NCBP3: variants seen among roughly 807,000 people sequenced by gnomAD.
NCBP3 encodes nuclear cap-binding protein subunit 3.
A neutral mutation model predicts 75.7 loss-of-function variants in NCBP3; 20 were observed. That is an observed-to-expected ratio of 0.26 (90% CI 0.19 to 0.38). The LOEUF is 0.38. Among genes scored for constraint, NCBP3 ranks in the 10% least tolerant of loss-of-function variants. NCBP3 has a pLI of 1.00. For missense variants in NCBP3, 678 were observed against 796.9 expected (o/e 0.85, Z 1.80); for synonymous variants, 293 against 290.5 (o/e 1.01, Z -0.09).
intron 3 of NCBP3, among the ~76,000 whole-genome samples, chr17:3,837,224 C>T (rs536540091): frequency 6.6e-6 from 1 of 151,486 alleles, no homozygotes; most frequent in African/African-American, 2.4e-5. Context: ...ATCAGCCGGG[C>T]GCAGTGGCTC....
At chr17:3,819,148 G>A (rs1295029090) in intron 9 of NCBP3, among the ~76,000 whole-genome samples, 1 of 152,170 alleles carries the variant, frequency 6.6e-6, no homozygotes, top group Non-Finnish European at 1.5e-5. Context: ...GGGCTGTGAT[G>A]TGCCTTGTGG....
At position 3,814,491 on chromosome 17, in the gene NCBP3, A is replaced by G. The variant is rs1158304617; in HGVS notation, c.1466-8T>C. 1.2e-6 allele frequency: 2 copies of G among 1,613,818 alleles called. No individual in the cohort carries two copies. Among genetic ancestry groups the G allele is most frequent in the East Asian group, 2.2e-5 (1 of 44,880 alleles). On this transcript the variant is annotated splice_polypyrimidine_tract_variant and splice_region_variant and intron_variant, in intron 11 of 12. Transcript: ENST00000389005. ...CTAACCGCTGGCGTATATCTGAAAA[A>G]AGAGAAAAAGTGCACCAGTGACCGT...
Position 3,814,405 on chromosome 17 carries a change from G to A in NCBP3, c.1544C>T (p.Pro515Leu). 1 of 1,614,146 alleles carries A rather than the reference G, an allele frequency of 6.2e-7. No individual in the cohort carries two copies. The highest frequency in any genetic ancestry group is 8.5e-7 in the Non-Finnish European group (1 of 1,180,000). The change falls in exon 12 of 13, where the codon CCC becomes CTC. Residue 515 changes from proline to leucine, a missense_variant. Physicochemically the swap from Pro to Leu is moderately conservative, Grantham distance 98. Transcript: ENST00000389005. ...TAGCCTACTATGCACATCAGAAGAG[G>A]GCTCTCTCCGAACGACGGGGTTACT... Reference protein sequence around the residue: ...FSSNPVVRREPSSDVHSRLGV... With the variant: ...FSSNPVVRRELSSDVHSRLGV...
At chr17:3,823,567 C>T (rs2053712883) in intron 7 of NCBP3, among the ~76,000 whole-genome samples, 3 of 152,076 alleles carry the variant, frequency 2.0e-5, no homozygotes, top group Non-Finnish European at 4.4e-5. Flanking sequence ...TATCTGCCCA[C>T]CAATTTTTTA....
intron 6 of NCBP3, among the ~76,000 whole-genome samples, chr17:3,825,553 T>C (rs1417243262): frequency 1.3e-5 from 2 of 152,224 alleles, no homozygotes; most frequent in Non-Finnish European, 2.9e-5. Flanking sequence ...TAAAACTATT[T>C]TCTTTTTTTG....
chr17:3,825,861 G>A lies in NCBP3; in HGVS notation c.611-18C>T. 6.5e-7 allele frequency: 1 copy of A among 1,538,018 alleles called. No homozygotes were observed. Among genetic ancestry groups the A allele is most frequent in the Non-Finnish European group, 8.8e-7 (1 of 1,136,090 alleles). ...CTGCTTGTCTAAAATGGAATGTGAA[G>A]GACAAGATGAAACAAGATAAAATAT... On this transcript the variant is annotated intron_variant, in intron 5 of 12. Transcript: ENST00000389005.
In NCBP3 at chr17:3,826,094, C is replaced by G; in HGVS notation, c.603G>C (p.Arg201Ser). ...DASEDKSAEK[R>S]KKDKQEDSSD... Reference sequence around the variant, plus strand: ...CCTCCTTTGTGTTGTTACCTTTTTTCCTTTTCTCAGCTGACTTGTCCTCAC... The same window carrying G: ...CCTCCTTTGTGTTGTTACCTTTTTTGCTTTTCTCAGCTGACTTGTCCTCAC... The change falls in exon 5 of 13, where the codon AGG becomes AGC. Residue 201 changes from arginine (R) to serine (S), a missense_variant. By Grantham distance (110) the Arg-to-Ser change is moderately radical (BLOSUM62 -1). Around this residue, in one of 7 missense-constraint regions of NCBP3, gnomAD observed 98 missense variants for 101.8 expected, o/e 0.96. Coordinates refer to ENST00000389005, the MANE Select transcript of NCBP3 (RefSeq NM_001114118.3). 1 of 1,549,216 alleles carries G rather than the reference C, an allele frequency of 6.5e-7. No individual in the cohort carries two copies.
chr17:3,813,869 G>C (rs149710684), intron 12 of NCBP3, among the ~76,000 whole-genome samples: 4,307 of 152,152 alleles, frequency 0.028, 224 homozygotes, highest in African/African-American at 0.1. Context: ...TCACCATGTT[G>C]GTTAGGCTGG....
chr17:3,812,783 C>T lies in NCBP3; in HGVS notation c.*261G>A. 7.7e-7 allele frequency: 1 copy of T among 1,299,350 alleles called. No homozygotes were observed. Among genetic ancestry groups the T allele is most frequent in the Non-Finnish European group, 9.8e-7 (1 of 1,020,860 alleles). 80.5% of individuals were successfully genotyped at this position (1,299,350 alleles called of 1,614,324 possible). A position where few individuals can be genotyped will look rare whatever the true frequency, so the allele number is the denominator to read the frequency against. On this transcript the variant is annotated 3_prime_UTR_variant, in exon 13 of 13. Coordinates refer to ENST00000389005, the MANE Select transcript of NCBP3 (RefSeq NM_001114118.3). Reference sequence around the variant, plus strand: ...AATGTCTACAAAATCTGGAGGGCTGCCTTTTTCTCAAAGGGTAAAGCCTGT... The same window carrying T: ...AATGTCTACAAAATCTGGAGGGCTGTCTTTTTCTCAAAGGGTAAAGCCTGT...
chr17:3,819,324 G>C (rs958726844), intron 9 of NCBP3, among the ~76,000 whole-genome samples: 1 of 152,108 alleles, frequency 6.6e-6, no homozygotes, highest in Admixed American at 6.6e-5. Context: ...TTGGGAGGCC[G>C]AGGTGGGCAG....
At chr17:3,833,114 G>T (rs2143694224) in intron 3 of NCBP3, among the ~76,000 whole-genome samples, 1 of 152,148 alleles carries the variant, frequency 6.6e-6, no homozygotes. Flanking sequence ...TTAGCTGAGT[G>T]TGGTGGTGTA....
At chr17:3,845,682 C>T (rs922817058) in intron 1 of NCBP3, among the ~76,000 whole-genome samples, 2 of 152,152 alleles carry the variant, frequency 1.3e-5, no homozygotes, top group Non-Finnish European at 2.9e-5. Flanking sequence ...TCTGGGCTGC[C>T]CCTGGTTCTG....
rs900847915 is a variant in NCBP3 at position 3,806,934 on chromosome 17, T to TA, written c.*6109dup. 1.2e-4 allele frequency: 18 copies of TA among 152,202 alleles called. No homozygotes were observed. Among genetic ancestry groups the TA allele is most frequent in the African/African-American group, 3.9e-4 (16 of 41,444 alleles). 9.4% of individuals were successfully genotyped at this position (152,202 alleles called of 1,614,324 possible). ...CTAATTTACTGCTTATTATAAGGTT[T>TA]AAAAGCAATTACTGTACTTATGTAT... On this transcript the variant is annotated 3_prime_UTR_variant, in exon 13 of 13. Coordinates refer to ENST00000389005, the MANE Select transcript of NCBP3 (RefSeq NM_001114118.3).
chr17:3,825,044 T>C lies in NCBP3; in HGVS notation c.694A>G (p.Thr232Ala). The change falls in exon 7 of 13, where the codon ACG (threonine) becomes GCG (alanine). Residue 232 changes from threonine to alanine, a missense_variant. Transcript: ENST00000389005. ...GACTCCTCTTCTACCTGAGACAACG[T>C]ATCCAACTTAAGAAAGAAGAGTATT... is the stretch of plus-strand genomic sequence containing the variant. ...DENSSDVELDTLSQVEEESLL... is the reference protein window; with the variant it reads ...DENSSDVELDALSQVEEESLL... The C allele has an allele frequency of 2.0e-6, 3 of 1,509,562 alleles. No individual in the cohort carries two copies. The highest frequency in any genetic ancestry group is 1.3e-5 in the South Asian group (1 of 79,054). The allele number at this position is 1,509,562 out of a possible 1,614,324, so 93.5% of individuals were successfully genotyped here.
At chr17:3,821,713 A>G (rs77813671) in intron 8 of NCBP3, among the ~76,000 whole-genome samples, 18,206 of 152,068 alleles carry the variant, frequency 0.12, 1,967 homozygotes, top group African/African-American at 0.29. Context: ...GTGAGCCACC[A>G]TGTCTGGGCT....
rs2053301629 is a variant in NCBP3 at position 3,803,653 on chromosome 17, G to A, written c.*9391C>T. ...AGGGAACGAATGAAAGAGAAAATGT[G>A]GCAAAATGTTCTTTGTTGTACCCTT... is the stretch of plus-strand genomic sequence containing the variant. On this transcript the variant is annotated 3_prime_UTR_variant, in exon 13 of 13. Transcript: ENST00000389005. 1 of 152,088 alleles carries A rather than the reference G, an allele frequency of 6.6e-6. No homozygotes were observed. The allele number at this position is 152,088 out of a possible 1,614,324, so 9.4% of individuals were successfully genotyped here.
rs1330295043 is a variant in NCBP3 at position 3,829,281 on chromosome 17, T to A, written c.443A>T (p.Tyr148Phe). The A allele has an allele frequency of 6.4e-7, 1 of 1,551,628 alleles. No individual in the cohort carries two copies. The highest frequency in any genetic ancestry group is 8.7e-7 in the Non-Finnish European group (1 of 1,146,988). Reference sequence around the variant, plus strand: ...CAACCATTCGATGTGAGCTGGAGGATATTCTTTAAAATAGGAAAAGACATC... The same window carrying A: ...CAACCATTCGATGTGAGCTGGAGGAAATTCTTTAAAATAGGAAAAGACATC... Reference protein sequence around the residue: ...TQDVFSYFKEYPPAHIEWLDD... With the variant: ...TQDVFSYFKEFPPAHIEWLDD... The change falls in exon 4 of 13, where the codon TAT becomes TTT. Residue 148 changes from tyrosine to phenylalanine, a missense_variant. By Grantham distance (22) the Tyr-to-Phe change is conservative. This residue lies in a region of NCBP3 where 15 missense variants were observed against 45.5 expected (regional missense o/e 0.33). Coordinates refer to ENST00000389005, the MANE Select transcript of NCBP3 (RefSeq NM_001114118.3).
chr17:3,825,681 G>GTTAACT, intron 6 of NCBP3, 86 bp downstream of exon 6: 1 of 957,314 alleles, frequency 1.0e-6, no homozygotes, highest in African/African-American at 1.7e-5. Flanking sequence ...GAGAAAAAAC[G>GTTAACT]TAACTAAGTC....
rs1365375920 is a variant in NCBP3, at chr17:3,827,016, A to C, written c.482-801T>G. Among the ~76,000 whole-genome samples, 4 of 147,888 alleles carry C rather than the reference A, an allele frequency of 2.7e-5. No individual in the cohort carries two copies. The East Asian group carries it at 7.9e-4, about 29-fold the overall frequency. On this transcript the variant is annotated intron_variant, in intron 4 of 12. Transcript: ENST00000389005. ...GACAGAGCGAGACTCTGTCAAGAAA[A>C]AACAAAAGGAATGGAACAGAATGGA... is the stretch of plus-strand genomic sequence containing the variant.
Sources: gnomAD v4.1 joint callset for allele counts (sites outside exome capture counted in the v4.1 genomes callset) on GRCh38, gnomAD v4.1.1 for gene constraint, gnomAD v4.1.1 regional missense constraint, MANE v1.5 for transcripts, NCBI Gene and HGNC (gene_info 2026-07-23, HGNC 2026-07-21) for gene names.